Variants in DCLK2 observed in about 807,000 individuals in gnomAD.
DCLK2 encodes the protein serine/threonine-protein kinase DCLK2.
A neutral mutation model predicts 78.4 loss-of-function variants in DCLK2; 31 were observed. That is an observed-to-expected ratio of 0.40 (90% CI 0.30 to 0.53). DCLK2 has a LOEUF of 0.53. Among genes scored for constraint, DCLK2 ranks in the 20% least tolerant of loss-of-function variants. The pLI is 0.61. For missense variants in DCLK2, 872 were observed against 973.7 expected (o/e 0.90, Z 1.39); for synonymous variants, 407 against 374.9 (o/e 1.09, Z -0.99).
intron 10 of DCLK2, among the ~76,000 whole-genome samples, chr4:150,236,331 T>C (rs1215642275): frequency 6.6e-6 from 1 of 152,148 alleles, no homozygotes; most frequent in African/African-American, 2.4e-5. Context: ...AGGTACAGAA[T>C]CTTGCAGAAT....
intron 1 of DCLK2, among the ~76,000 whole-genome samples, chr4:150,088,399 T>A (rs1352047141): frequency 6.6e-6 from 1 of 151,976 alleles, no homozygotes; most frequent in Non-Finnish European, 1.5e-5. Context: ...CCTCAGCTTT[T>A]TTTTTTTCGT....
chr4:150,107,531 C>G (rs1378448751), intron 2 of DCLK2, among the ~76,000 whole-genome samples: 2 of 151,782 alleles, frequency 1.3e-5, no homozygotes, highest in African/African-American at 2.4e-5. Flanking sequence ...CACATGACAC[C>G]ATGCCTGGCT....
intron 2 of DCLK2, among the ~76,000 whole-genome samples, chr4:150,140,310 T>A (rs940715086): frequency 2.0e-5 from 3 of 152,216 alleles, no homozygotes; most frequent in Admixed American, 2.0e-4. Context: ...TTTGACCTTG[T>A]TTTCTCTAGC....
intron 1 of DCLK2, 52 bp downstream of exon 1, chr4:150,079,500 A>G: frequency 3.5e-6 from 5 of 1,430,954 alleles, no homozygotes; most frequent in Non-Finnish European, 3.7e-6. Flanking sequence ...CGGCAGGTGC[A>G]GTGGGCGTGA....
intron 1 of DCLK2, among the ~76,000 whole-genome samples, chr4:150,080,118 C>CA (rs1375157734): frequency 6.6e-6 from 1 of 150,792 alleles, no homozygotes; most frequent in African/African-American, 2.4e-5. Context: ...AAAGCCCCCC[C>CA]CCCAGGTGAT....
At chr4:150,242,229 A>G (rs148408778) in intron 12 of DCLK2, among the ~76,000 whole-genome samples, 1 of 152,338 alleles carries the variant, frequency 6.6e-6, no homozygotes, top group East Asian at 1.9e-4. Flanking sequence ...ACTATTGATC[A>G]AAGAGAATAA....
chr4:150,175,009 A>ATATATATATATAT (rs1248338560), intron 2 of DCLK2, among the ~76,000 whole-genome samples: 1 of 14,748 alleles, frequency 6.8e-5, no homozygotes, highest in Non-Finnish European at 1.6e-4. Context: ...AAAAAAAAAA[A>ATATATATATATAT]AAATATATAT....
chr4:150,087,552 A>G (rs574619713), intron 1 of DCLK2, among the ~76,000 whole-genome samples: 1 of 152,346 alleles, frequency 6.6e-6, no homozygotes, highest in East Asian at 1.9e-4. Context: ...CATCCGAATT[A>G]AGACCCAAAG....
At chr4:150,110,573 G>A (rs761086118) in intron 2 of DCLK2, among the ~76,000 whole-genome samples, 3 of 151,708 alleles carry the variant, frequency 2.0e-5, no homozygotes, top group Admixed American at 6.6e-5. Context: ...ATTTTATTGC[G>A]CCCGTCACCT....
intron 2 of DCLK2, among the ~76,000 whole-genome samples, chr4:150,171,942 G>A (rs1433777061): frequency 1.3e-5 from 2 of 152,178 alleles, no homozygotes; most frequent in Non-Finnish European, 2.9e-5. Context: ...TGACAAATGC[G>A]TGCATCTTGT....
At chr4:150,117,867 C>T (rs1732215613) in intron 2 of DCLK2, among the ~76,000 whole-genome samples, 1 of 152,192 alleles carries the variant, frequency 6.6e-6, no homozygotes, top group South Asian at 2.1e-4. Flanking sequence ...CAGCATGAAT[C>T]ACCACACACT....
At chr4:150,169,257 G>T (rs979131286) in intron 2 of DCLK2, among the ~76,000 whole-genome samples, 23 of 152,150 alleles carry the variant, frequency 1.5e-4, no homozygotes, top group African/African-American at 5.3e-4. Flanking sequence ...ATGCTTTAGG[G>T]TTATCATATT....
chr4:150,105,506 T>TATTCTCAAATACC (rs1356266035), intron 2 of DCLK2, among the ~76,000 whole-genome samples: 1 of 152,084 alleles, frequency 6.6e-6, no homozygotes, highest in Non-Finnish European at 1.5e-5. Flanking sequence ...AGTGAATTGG[T>TATTCTCAAATACC]ATTCTCAAAT....
rs1165463106 is a variant in DCLK2 at position 150,175,094 on chromosome 4, TTA to T, written c.757-18036_757-18035del. Among the ~76,000 whole-genome samples the T allele has an allele frequency of 4.7e-4, 30 of 64,138 alleles. 4 individuals are homozygous for T. Among genetic ancestry groups the T allele is most frequent in the Non-Finnish European group, 6.7e-4 (22 of 32,978 alleles). 42.1% of individuals were successfully genotyped at this position (64,138 alleles called of 152,430 possible). On this transcript the variant is annotated intron_variant, in intron 2 of 15. Coordinates refer to ENST00000296550, the MANE Select transcript of DCLK2 (RefSeq NM_001040260.4). Reference sequence around the variant, plus strand: ...TATATTTATATATTTATATATATATTTATATATATTTATATATTTATATTTTT... The same window carrying T: ...TATATTTATATATTTATATATATATTTATATATTTATATATTTATATTTTT...
chr4:150,110,499 A>C (rs986958902), intron 2 of DCLK2, among the ~76,000 whole-genome samples: 2 of 151,852 alleles, frequency 1.3e-5, no homozygotes, highest in African/African-American at 4.8e-5. Context: ...TTTGAATTTC[A>C]GTAGCTTTTA....
At chr4:150,239,377 C>T (rs928030761) in intron 10 of DCLK2, among the ~76,000 whole-genome samples, 1 of 152,062 alleles carries the variant, frequency 6.6e-6, no homozygotes, top group African/African-American at 2.4e-5. Flanking sequence ...GTGGGCAGAT[C>T]TCACGATCCC....
chr4:150,136,151 TGTAA>T (rs990429154), intron 2 of DCLK2, among the ~76,000 whole-genome samples: 30 of 152,068 alleles, frequency 2.0e-4, no homozygotes, highest in African/African-American at 5.3e-4. Flanking sequence ...AAGGGAGGAA[TGTAA>T]GTAAGAGACT....
chr4:150,113,362 C>G (rs887710021), intron 2 of DCLK2, among the ~76,000 whole-genome samples: 1 of 152,106 alleles, frequency 6.6e-6, no homozygotes, highest in Non-Finnish European at 1.5e-5. Flanking sequence ...GGCTGTGAAT[C>G]TATCTGGCCC....
At chr4:150,166,831 C>T (rs1045845092) in intron 2 of DCLK2, among the ~76,000 whole-genome samples, 5 of 152,150 alleles carry the variant, frequency 3.3e-5, no homozygotes, top group South Asian at 2.1e-4. Flanking sequence ...TAGGAGACAA[C>T]GCTCAAAAAG....
Sources: gnomAD v4.1 joint callset for allele counts (sites outside exome capture counted in the v4.1 genomes callset) on GRCh38, gnomAD v4.1.1 for gene constraint, MANE v1.5 for transcripts, NCBI Gene and HGNC (gene_info 2026-07-23, HGNC 2026-07-21) for gene names.